Variants in MAP6 observed in about 807,000 individuals in gnomAD.
MAP6 encodes microtubule associated protein 6, also known as microtubule-associated protein 6.
In MAP6, 26 loss-of-function variants were observed where a neutral mutation model predicts 42.4. The observed-to-expected ratio is 0.61, with a 90% CI of 0.45 to 0.85. The LOEUF (loss-of-function observed/expected upper bound fraction) is 0.85. MAP6 is among the 40% of genes least tolerant of loss of function. The pLI is 0.00. For synonymous variants in MAP6, 418 were observed against 443.8 expected (o/e 0.94, Z 0.73); for missense variants, 966 against 1,099.0 (o/e 0.88, Z 1.71).
intron 1 of MAP6, among the ~76,000 whole-genome samples, chr11:75,614,015 C>T (rs1300618808): frequency 1.3e-5 from 2 of 152,212 alleles, no homozygotes; most frequent in African/African-American, 4.8e-5. Context: ...GAGGAGTCAA[C>T]AAACACTCTA....
rs956473555 is a variant in MAP6, at chr11:75,630,656, C to A, written c.906-22334G>T. Among the ~76,000 whole-genome samples, 5 of 152,336 alleles carry A rather than the reference C, an allele frequency of 3.3e-5. No individual in the cohort carries two copies. In the East Asian group the frequency reaches 9.6e-4, roughly 29 times the overall value. On this transcript the variant is annotated intron_variant, in intron 1 of 3. Transcript: ENST00000304771. ...CCTAAAAATAGATTCCTTCAAATTT[C>A]TCTGGGTACCAGGTAATATTCATTC...
Position 75,667,440 on chromosome 11 carries a change from C to G in MAP6, c.905+25G>C. 6.9e-7 allele frequency: 1 copy of G among 1,449,534 alleles called. No individual in the cohort carries two copies. The highest frequency in any genetic ancestry group is 1.4e-5 in the South Asian group (1 of 73,384). 89.8% of individuals were successfully genotyped at this position (1,449,534 alleles called of 1,614,324 possible). A position where few individuals can be genotyped will look rare whatever the true frequency, so the allele number is the denominator to read the frequency against. The stretch of plus-strand genomic sequence containing the variant: ...GGGAGGGTCTGCGTGGTGACTCCCC[C>G]GCGCTAGCAGCGGCCGCGTCTCACC... On this transcript the variant is annotated intron_variant, in intron 1 of 3. Transcript: ENST00000304771. This position sits in a 1 kb window ranked among gnomAD's most constrained non-coding sequence, Gnocchi z 5.6.
intron 3 of MAP6, among the ~76,000 whole-genome samples, chr11:75,595,853 C>A (rs1942570202): frequency 2.0e-5 from 3 of 152,052 alleles, no homozygotes; most frequent in Admixed American, 2.0e-4. Flanking sequence ...TCTCCCTCCC[C>A]TCCTCTCCTC....
intron 1 of MAP6, among the ~76,000 whole-genome samples, chr11:75,622,949 A>G (rs1264595700): frequency 6.6e-6 from 1 of 152,232 alleles, no homozygotes; most frequent in African/African-American, 2.4e-5. Flanking sequence ...GACAGTATTC[A>G]TATCAGGAAA....
intron 3 of MAP6, among the ~76,000 whole-genome samples, chr11:75,598,011 C>T (rs1942611394): frequency 6.6e-6 from 1 of 152,196 alleles, no homozygotes; most frequent in African/African-American, 2.4e-5. Context: ...AGGACTTTTG[C>T]ATGCCTCCCC....
chr11:75,668,498 G>C lies in MAP6; in HGVS notation c.-129C>G, dbSNP rs1944005727. 4 of 1,335,694 alleles carry C rather than the reference G, an allele frequency of 3.0e-6. No homozygotes were observed. In the Admixed American group the frequency reaches 1.1e-4, roughly 37 times the overall value. 82.7% of individuals were successfully genotyped at this position (1,335,694 alleles called of 1,614,324 possible). A position where few individuals can be genotyped will look rare whatever the true frequency, so the allele number is the denominator to read the frequency against. ...ACCGTTTTCTACCCCCGATCAGCCGGAGCTAGTTCGCCCTCCTCCCTCAGC... is the reference window on the plus strand; with the variant it reads ...ACCGTTTTCTACCCCCGATCAGCCGCAGCTAGTTCGCCCTCCTCCCTCAGC... On this transcript the variant is annotated 5_prime_UTR_variant, in exon 1 of 4. Coordinates refer to ENST00000304771, the MANE Select transcript of MAP6 (RefSeq NM_033063.2).
intron 1 of MAP6, among the ~76,000 whole-genome samples, chr11:75,649,084 T>G (rs1238137881): frequency 2.0e-5 from 3 of 152,188 alleles, no homozygotes; most frequent in Non-Finnish European, 4.4e-5. Context: ...CAGCTAGACA[T>G]GTATAAGGAT....
intron 1 of MAP6, chr11:75,642,972 A>G: frequency 2.5e-6 from 1 of 403,768 alleles, no homozygotes; most frequent in Non-Finnish European, 5.3e-6. Context: ...TTGTTTGTCA[A>G]TAATGTGAGT....
intron 1 of MAP6, among the ~76,000 whole-genome samples, chr11:75,637,548 G>A (rs1205129168): frequency 6.6e-6 from 1 of 152,142 alleles, no homozygotes; most frequent in African/African-American, 2.4e-5. Context: ...GCTGCTTGGT[G>A]AGAGAGAAGA....
In MAP6 at chr11:75,667,512, G is replaced by T. The variant is rs1289556715; in HGVS notation, c.858C>A (p.Asn286Lys). 1 of 1,506,978 alleles carries T rather than the reference G, an allele frequency of 6.6e-7. No individual in the cohort carries two copies. Among genetic ancestry groups the T allele is most frequent in the South Asian group, 1.2e-5 (1 of 81,496 alleles). 93.4% of individuals were successfully genotyped at this position (1,506,978 alleles called of 1,614,324 possible). A position where few individuals can be genotyped will look rare whatever the true frequency, so the allele number is the denominator to read the frequency against. The change falls in exon 1 of 4, where the codon AAC (asparagine) becomes AAA (lysine). Residue 286 changes from asparagine to lysine, a missense_variant. Asn to Lys is a moderately conservative substitution (Grantham distance 94). Transcript: ENST00000304771. This position sits in a 1 kb window ranked among gnomAD's most constrained non-coding sequence, Gnocchi z 5.6. ...GRGRAAADAL[N>K]RQIREEVASA... Reference sequence around the variant, plus strand: ...TCGCCACCTCCTCGCGGATTTGCCGGTTGAGGGCGTCCGCCGCGGCGCGCC... The same window carrying T: ...TCGCCACCTCCTCGCGGATTTGCCGTTTGAGGGCGTCCGCCGCGGCGCGCC...
intron 1 of MAP6, among the ~76,000 whole-genome samples, chr11:75,658,101 A>C (rs1393471633): frequency 1.3e-5 from 2 of 152,128 alleles, no homozygotes; most frequent in African/African-American, 4.8e-5. Context: ...GGGCTGTTTT[A>C]GTTCTTAGCT....
chr11:75,606,129 C>A, intron 2 of MAP6, 125 bp from the exon 3 acceptor site: 2 of 1,120,936 alleles, frequency 1.8e-6, no homozygotes, highest in Non-Finnish European at 2.5e-6. Flanking sequence ...TCAGGTGGAG[C>A]ACAGTGCATA....
chr11:75,667,769 G>A lies in MAP6; in HGVS notation c.601C>T (p.Gln201Ter). Residue 201 changes from glutamine to a stop codon, truncating the protein, a stop_gained, in exon 1 of 4, where the codon CAG becomes TAG. Coordinates refer to ENST00000304771, the MANE Select transcript of MAP6 (RefSeq NM_033063.2). LOFTEE classifies it high-confidence loss of function. This position sits in a 1 kb window ranked among gnomAD's most constrained non-coding sequence, Gnocchi z 5.6. The part of the protein sequence containing the change: ...LGAPKRRPQS[Q>*]ERWPVQAAAE... Reference sequence around the variant, plus strand: ...GCGGCCTGCACTGGCCAGCGCTCCTGGCTCTGCGGCCGGCGCTTGGGCGCC... The same window carrying A: ...GCGGCCTGCACTGGCCAGCGCTCCTAGCTCTGCGGCCGGCGCTTGGGCGCC... 1 of 1,308,900 alleles carries A rather than the reference G, an allele frequency of 7.6e-7. No homozygotes were observed. Among genetic ancestry groups the A allele is most frequent in the Admixed American group, 3.8e-5 (1 of 26,584 alleles). The allele number at this position is 1,308,900 out of a possible 1,614,324, so 81.1% of individuals were successfully genotyped here.
At chr11:75,593,461 C>A (rs1279163794) in intron 3 of MAP6, among the ~76,000 whole-genome samples, 1 of 152,214 alleles carries the variant, frequency 6.6e-6, no homozygotes, top group Non-Finnish European at 1.5e-5. Flanking sequence ...AGTCTAGCAG[C>A]AGGATTACTG....
intron 3 of MAP6, among the ~76,000 whole-genome samples, chr11:75,593,875 T>C (rs1942526896): frequency 6.6e-6 from 1 of 152,178 alleles, no homozygotes. Context: ...GAGAGCTGGG[T>C]TTGAATGTGA....
chr11:75,663,001 A>G (rs12279672), intron 1 of MAP6, among the ~76,000 whole-genome samples: 11,438 of 145,922 alleles, frequency 0.078, 657 homozygotes, highest in African/African-American at 0.16. Context: ...TCACTCTGTC[A>G]CCCAGGCTGG....
intron 1 of MAP6, among the ~76,000 whole-genome samples, chr11:75,610,558 C>T (rs544911713): frequency 6.6e-6 from 1 of 152,338 alleles, no homozygotes. Context: ...GGAGGCCATG[C>T]CAGCCATGTT....
rs936908328 is a variant in MAP6 at position 75,667,337 on chromosome 11, G to A, written c.905+128C>T. 6.9e-5 allele frequency: 59 copies of A among 853,894 alleles called. No homozygotes were observed. The highest frequency in any genetic ancestry group is 9.1e-5 in the Non-Finnish European group (55 of 607,588). 52.9% of individuals were successfully genotyped at this position (853,894 alleles called of 1,614,324 possible). A position where few individuals can be genotyped will look rare whatever the true frequency, so the allele number is the denominator to read the frequency against. ...GGAGGTGGCCTGGGAGGCGGCTGGG[G>A]AGAGGGTGTGGCCTGGGACTGGAGG... On this transcript the variant is annotated intron_variant, in intron 1 of 3. Transcript: ENST00000304771. The surrounding 1 kb of genome is among the most constrained non-coding windows in gnomAD (Gnocchi z 5.6).
At chr11:75,625,867 A>T (rs1193307933) in intron 1 of MAP6, among the ~76,000 whole-genome samples, 2 of 152,186 alleles carry the variant, frequency 1.3e-5, no homozygotes, top group Non-Finnish European at 1.5e-5. Flanking sequence ...CCTCATCTGG[A>T]GGATCAAGGC....
Sources: allele counts gnomAD v4.1 joint callset (sites outside exome capture counted in the v4.1 genomes callset), GRCh38; gene constraint gnomAD v4.1.1; non-coding constraint Gnocchi (gnomAD v3.1); transcripts MANE v1.5; gene names NCBI Gene and HGNC (gene_info 2026-07-23, HGNC 2026-07-21).